Variants in BRCA2 observed in about 807,000 individuals in gnomAD.
The protein encoded by BRCA2 is breast cancer type 2 susceptibility protein.
In BRCA2, 203 loss-of-function variants were observed where a neutral mutation model predicts 276.7. The observed-to-expected ratio is 0.73, with a 90% CI of 0.65 to 0.82. The LOEUF (loss-of-function observed/expected upper bound fraction) is 0.82, where lower values mean the gene tolerates loss of function less well. Ranked by LOEUF, BRCA2 falls within the 40% of genes least tolerant of loss-of-function variation. BRCA2 has a pLI of 0.00. For synonymous variants in BRCA2, 1,289 were observed against 1,338.4 expected, an observed-to-expected ratio of 0.96 and a Z score of 0.81; for missense variants, 3,920 against 3,915.0, an observed-to-expected ratio of 1.00 and a Z score of -0.03.
Position 32,379,775 on chromosome 13 carries a change from A to C in BRCA2, c.8979A>C (p.Ser2993=), listed in dbSNP as rs781452016. The change falls in exon 23 of 27, where the codon TCA becomes TCC. Residue 2993 remains serine (S), a synonymous_variant. Coordinates refer to ENST00000380152, the MANE Select transcript of BRCA2 (RefSeq NM_000059.4). ...DSVILSIWRP[S]SDLYSLLTEG... ...TTATACTGAGTATTTGGCGTCCATC[A>C]TCAGATTTATATTCTCTGTTAACAG... The C allele has an allele frequency of 1.9e-6, 3 of 1,612,704 alleles. No individual in the cohort carries two copies. In the Admixed American group the frequency reaches 5.0e-5, roughly 27 times the overall value.
intron 16 of BRCA2, among the ~76,000 whole-genome samples, chr13:32,359,861 T>A (rs1351825297): frequency 6.6e-6 from 1 of 152,228 alleles, no homozygotes; most frequent in African/African-American, 2.4e-5. Flanking sequence ...GAGCACTTGC[T>A]ATGTGCCAGG....
intron 18 of BRCA2, among the ~76,000 whole-genome samples, chr13:32,367,242 C>G (rs1462715916): frequency 2.0e-5 from 3 of 152,112 alleles, no homozygotes; most frequent in Admixed American, 6.5e-5. Context: ...TGAGACCAGC[C>G]TGGCCAACAT....
chr13:32,378,200 G>A (rs1471920379), intron 21 of BRCA2, among the ~76,000 whole-genome samples: 1 of 152,104 alleles, frequency 6.6e-6, no homozygotes, highest in African/African-American at 2.4e-5. Context: ...GACATAAGGG[G>A]GCAGAATAAG....
At chr13:32,326,353 C>T (rs551045508) in intron 6 of BRCA2, 71 bp downstream of exon 6, 8 of 1,543,250 alleles carry the variant, frequency 5.2e-6, no homozygotes, top group Non-Finnish European at 7.1e-6. Flanking sequence ...ATACCTTTGC[C>T]CTGAGATTTA....
Position 32,371,057 on chromosome 13 carries a change from AGCC to A in BRCA2, c.8590_8592del (p.Ala2864del), listed in dbSNP as rs1555287779. On this transcript the variant is annotated inframe_deletion, in exon 20 of 27. Transcript: ENST00000380152. ...TGGAGGCCCAACAAAAGAGACTAGA[AGCC>A]TTATTCACTAAAATTCAGGAGGAAT... 2 of 1,614,178 alleles carry A rather than the reference AGCC, an allele frequency of 1.2e-6. No individual in the cohort carries two copies. Among genetic ancestry groups the A allele is most frequent in the Admixed American group, 1.7e-5 (1 of 60,032 alleles).
In BRCA2 at chr13:32,338,914, C is replaced by G. The variant is rs747993489; in HGVS notation, c.4559C>G (p.Thr1520Ser). 1.9e-6 allele frequency: 3 copies of G among 1,613,946 alleles called. No homozygotes were observed. The highest frequency in any genetic ancestry group is 1.7e-6 in the Non-Finnish European group (2 of 1,179,904). The change falls in exon 11 of 27, where the codon ACT becomes AGT. Residue 1520 changes from threonine to serine, a missense_variant. Coordinates refer to ENST00000380152, the MANE Select transcript of BRCA2 (RefSeq NM_000059.4). ...PERDEKIKEPTLLGFHTASGK... is the reference protein window; with the variant it reads ...PERDEKIKEPSLLGFHTASGK... The stretch of plus-strand genomic sequence containing the variant: ...CGTGATGAAAAGATCAAAGAACCTA[C>G]TCTATTGGGTTTTCATACAGCTAGC...
chr13:32,336,210 T>C, intron 10 of BRCA2, 55 bp from the exon 11 acceptor site: 7 of 1,541,150 alleles, frequency 4.5e-6, no homozygotes, highest in Middle Eastern at 2.4e-4. Context: ...GAAAAATATT[T>C]AGTGAATGTG....
chr13:32,376,732 CAAGATGGTGCAGAGCTT>C lies in BRCA2; in HGVS notation c.8696_8712del (p.Gln2899LeufsTer2), dbSNP rs2137612961. 1 of 1,614,084 alleles carries C rather than the reference CAAGATGGTGCAGAGCTT, an allele frequency of 6.2e-7. No homozygotes were observed. Reference sequence around the variant, plus strand: ...AACAAGACAGCAAGTTCGTGCTTTGCAAGATGGTGCAGAGCTTTATGAAGCAGTGAAGAATGCAGCAG... The same window carrying C: ...AACAAGACAGCAAGTTCGTGCTTTGCTATGAAGCAGTGAAGAATGCAGCAG... On this transcript the variant is annotated frameshift_variant, in exon 21 of 27. Transcript: ENST00000380152. LOFTEE classifies it high-confidence loss of function.
rs80358406 is a variant in BRCA2 at position 32,332,511 on chromosome 13, A to G, written c.1033A>G (p.Lys345Glu). Residue 345 changes from lysine to glutamate, a missense_variant, in exon 10 of 27, where the codon AAA (lysine) becomes GAA (glutamate). Physicochemically the swap from Lys to Glu is moderately conservative, Grantham distance 56. This residue lies in a region of BRCA2 where 3,263 missense variants were observed against 3,156.9 expected (regional missense o/e 1.03). Transcript: ENST00000380152. ...EANADECEKS[K>E]NQVKEKYSFV... ...AAACGCTGATGAATGTGAAAAATCT[A>G]AAAACCAAGTGAAAGAAAAATACTC... The G allele has an allele frequency of 1.2e-6, 2 of 1,611,830 alleles. No individual in the cohort carries two copies. The highest frequency in any genetic ancestry group is 1.3e-5 in the African/African-American group (1 of 74,896).
At position 32,362,472 on chromosome 13, in the gene BRCA2, A is replaced by G. The variant is rs764491979; in HGVS notation, c.7806-51A>G. 19 of 1,534,420 alleles carry G rather than the reference A, an allele frequency of 1.2e-5. No homozygotes were observed. The East Asian group carries it at 3.8e-4, about 31-fold the overall frequency. ...GAGAATAGTTGTAGTTGTTGAATTC[A>G]GTATCATCCTATGTGGTTTTTATGA... On this transcript the variant is annotated intron_variant, in intron 16 of 26. Transcript: ENST00000380152.
chr13:32,366,747 G>T (rs2137588916), intron 18 of BRCA2, among the ~76,000 whole-genome samples: 1 of 151,746 alleles, frequency 6.6e-6, no homozygotes, highest in East Asian at 1.9e-4. Flanking sequence ...ACTTGAACCT[G>T]GGACGTAGAG....
At chr13:32,396,263 C>G (rs1295530524) in intron 25 of BRCA2, 12 of 164,404 alleles carry the variant, frequency 7.3e-5, no homozygotes, top group African/African-American at 2.9e-4. Flanking sequence ...CATGAGCCAC[C>G]GAGCCCGCAT....
At chr13:32,316,735 C>T (rs2072264714) in intron 2 of BRCA2, among the ~76,000 whole-genome samples, 1 of 152,142 alleles carries the variant, frequency 6.6e-6, no homozygotes, top group Non-Finnish European at 1.5e-5. Context: ...AGGAAACTGG[C>T]CCCTTGACTA....
intron 16 of BRCA2, among the ~76,000 whole-genome samples, chr13:32,358,257 C>T (rs1412643881): frequency 6.6e-6 from 1 of 151,688 alleles, no homozygotes; most frequent in Non-Finnish European, 1.5e-5. Flanking sequence ...GGGTAGATCA[C>T]CTGAGGTCAG....
At chr13:32,381,925 G>A (rs11571774) in intron 24 of BRCA2, among the ~76,000 whole-genome samples, 3 of 152,102 alleles carry the variant, frequency 2.0e-5, no homozygotes, top group Admixed American at 2.0e-4. Flanking sequence ...CTGAACATTG[G>A]GAAAAATGGA....
In BRCA2 at chr13:32,360,422, C is replaced by T. The variant is rs11571713; in HGVS notation, c.7806-2101C>T. Among the ~76,000 whole-genome samples the T allele has an allele frequency of 7.1e-3, 1,079 of 152,234 alleles. 7 individuals carry two copies. The highest frequency in any genetic ancestry group is 0.012 in the Non-Finnish European group (796 of 68,002). On this transcript the variant is annotated intron_variant, in intron 16 of 26. Coordinates refer to ENST00000380152, the MANE Select transcript of BRCA2 (RefSeq NM_000059.4). ...TTGCTCAGGCTGGAGTGCAGTGGTG[C>T]AATCTCGGCTCACTGCAGCCTCCAC...
At chr13:32,329,348 A>C (rs2072371876) in intron 7 of BRCA2, 95 bp from the exon 8 acceptor site, 3 of 812,546 alleles carry the variant, frequency 3.7e-6, no homozygotes, top group Non-Finnish European at 6.1e-6. Flanking sequence ...TGTGTCATGT[A>C]ATCAAATAGT....
chr13:32,380,216 AT>A (rs2072915738), intron 24 of BRCA2, 71 bp downstream of exon 24: 2 of 1,500,714 alleles, frequency 1.3e-6, no homozygotes, highest in Admixed American at 2.2e-5. Context: ...ATCTCTTATG[AT>A]TAGTTGGAGC....
chr13:32,341,443 G>A (rs935284092), intron 11 of BRCA2, among the ~76,000 whole-genome samples: 2 of 151,680 alleles, frequency 1.3e-5, no homozygotes, highest in Non-Finnish European at 2.9e-5. Context: ...ATGTTTTAAG[G>A]GTCTCAATAT....
Sources: allele counts gnomAD v4.1 joint callset (sites outside exome capture counted in the v4.1 genomes callset), GRCh38; gene constraint gnomAD v4.1.1; regional missense constraint gnomAD v4.1.1; transcripts MANE v1.5; gene names NCBI Gene and HGNC (gene_info 2026-07-23, HGNC 2026-07-21).